YAP1: variants seen among roughly 807,000 people sequenced by gnomAD.
The protein encoded by YAP1 is Yes1 associated transcriptional regulator.
A neutral mutation model predicts 56.9 loss-of-function variants in YAP1; 5 were observed. The observed-to-expected ratio is 0.09, with a 90% CI of 0.05 to 0.18. YAP1 has a LOEUF of 0.18. Among genes scored for constraint, YAP1 ranks in the 10% least tolerant of loss-of-function variants. The pLI, the probability that YAP1 is intolerant of heterozygous loss-of-function variation, is 1.00. For missense variants in YAP1, 539 were observed against 651.8 expected, an observed-to-expected ratio of 0.83 and a Z score of 1.88; for synonymous variants, 265 against 248.1, an observed-to-expected ratio of 1.07 and a Z score of -0.64.
chr11:102,222,427 T>C (rs1226110703), intron 6 of YAP1, among the ~76,000 whole-genome samples: 1 of 152,130 alleles, frequency 6.6e-6, no homozygotes, highest in Admixed American at 6.5e-5. Context: ...AGAGTAGTAA[T>C]GAGTGTGCTA....
At chr11:102,168,570 A>G (rs1396583558) in intron 3 of YAP1, among the ~76,000 whole-genome samples, 1 of 152,202 alleles carries the variant, frequency 6.6e-6, no homozygotes, top group African/African-American at 2.4e-5. Flanking sequence ...TTTCTCTATT[A>G]TGAAAAACTG....
At chr11:102,215,875 G>T (rs937185216) in intron 6 of YAP1, among the ~76,000 whole-genome samples, 10 of 152,164 alleles carry the variant, frequency 6.6e-5, no homozygotes, top group African/African-American at 2.4e-4. Flanking sequence ...AGTAGACATG[G>T]GATAGGGAAA....
At chr11:102,229,564 C>A in intron 8 of YAP1, 138 bp from the exon 9 acceptor site, 1 of 699,566 alleles carries the variant, frequency 1.4e-6, no homozygotes, top group Non-Finnish European at 2.4e-6. Context: ...GTTGTTTGAC[C>A]TGATATAAAT....
intron 4 of YAP1, among the ~76,000 whole-genome samples, chr11:102,203,044 A>G (rs754970994): frequency 6.6e-5 from 10 of 152,352 alleles, no homozygotes; most frequent in Non-Finnish European, 1.3e-4. Flanking sequence ...TAAATGACAA[A>G]GAAAAAACCA....
At chr11:102,167,786 C>T (rs1200959044) in intron 3 of YAP1, among the ~76,000 whole-genome samples, 2 of 152,082 alleles carry the variant, frequency 1.3e-5, no homozygotes, top group Admixed American at 6.5e-5. Flanking sequence ...GCCTATAATC[C>T]GAGCACTTTG....
At chr11:102,213,134 G>C (rs1291997039) in intron 6 of YAP1, among the ~76,000 whole-genome samples, 1 of 152,178 alleles carries the variant, frequency 6.6e-6, no homozygotes, top group Non-Finnish European at 1.5e-5. Flanking sequence ...GAAGAACTTT[G>C]AGGAAAGATA....
At chr11:102,185,910 T>A in intron 3 of YAP1, 108 bp from the exon 4 acceptor site, 1 of 1,098,954 alleles carries the variant, frequency 9.1e-7, no homozygotes, top group Non-Finnish European at 1.3e-6. Flanking sequence ...TTTCAATGAA[T>A]TGTTTTATGT....
intron 3 of YAP1, among the ~76,000 whole-genome samples, chr11:102,176,138 G>C (rs1021425007): frequency 6.6e-6 from 1 of 152,176 alleles, no homozygotes; most frequent in Non-Finnish European, 1.5e-5. Context: ...GCAGACCAAA[G>C]TATCACAAAC....
At chr11:102,181,939 G>A (rs1045831305) in intron 3 of YAP1, among the ~76,000 whole-genome samples, 3 of 152,298 alleles carry the variant, frequency 2.0e-5, no homozygotes, top group South Asian at 4.1e-4. Context: ...TCCTGCCTCA[G>A]TCTCCTGAGT....
chr11:102,226,861 C>T (rs1295921853), intron 7 of YAP1: 2 of 152,182 alleles, frequency 1.3e-5, no homozygotes, highest in Non-Finnish European at 1.5e-5. Context: ...GATCAAGCCA[C>T]GAGTATTCTT....
intron 5 of YAP1, among the ~76,000 whole-genome samples, chr11:102,208,756 T>C (rs912372402): frequency 6.6e-6 from 1 of 152,152 alleles, no homozygotes; most frequent in Non-Finnish European, 1.5e-5. Flanking sequence ...ATAAAAACTG[T>C]CAAAATCAAG....
At chr11:102,125,102 T>A (rs1943949918) in intron 2 of YAP1, among the ~76,000 whole-genome samples, 1 of 151,372 alleles carries the variant, frequency 6.6e-6, no homozygotes, top group Non-Finnish European at 1.5e-5. Context: ...AGTGGCACGC[T>A]CAGGGCTCAC....
intron 2 of YAP1, among the ~76,000 whole-genome samples, chr11:102,161,284 G>T (rs1396597974): frequency 6.7e-6 from 1 of 148,504 alleles, no homozygotes; most frequent in East Asian, 2.0e-4. Context: ...GGATGGTCTC[G>T]ATCTCCTGAC....
intron 7 of YAP1, among the ~76,000 whole-genome samples, chr11:102,226,646 A>G (rs1950211161): frequency 1.3e-5 from 2 of 152,182 alleles, no homozygotes; most frequent in Admixed American, 1.3e-4. Flanking sequence ...GGTAATGGAT[A>G]TTTACCATAC....
chr11:102,220,513 T>G (rs11225168), intron 6 of YAP1, among the ~76,000 whole-genome samples: 11,501 of 152,214 alleles, frequency 0.076, 602 homozygotes, highest in East Asian at 0.22. Context: ...TGGGCTGAGA[T>G]AAAATTATAT....
At chr11:102,117,443 A>G (rs1474513670) in intron 2 of YAP1, among the ~76,000 whole-genome samples, 2 of 152,248 alleles carry the variant, frequency 1.3e-5, no homozygotes, top group Non-Finnish European at 1.5e-5. Flanking sequence ...GAACCTGACT[A>G]TAAATGGTCC....
intron 3 of YAP1, among the ~76,000 whole-genome samples, chr11:102,177,675 CAA>C (rs1022433513): frequency 4.7e-4 from 26 of 54,978 alleles, no homozygotes; most frequent in East Asian, 9.5e-4. Context: ...GACTCGGTCT[CAA>C]AAAAAAAAAA....
At chr11:102,206,736 A>C (rs1400958010) in intron 5 of YAP1, among the ~76,000 whole-genome samples, 1 of 152,140 alleles carries the variant, frequency 6.6e-6, no homozygotes, top group Non-Finnish European at 1.5e-5. Context: ...TCAACTTCTC[A>C]GGAGGCTGAG....
chr11:102,116,728 T>G (rs1943310355), intron 2 of YAP1, among the ~76,000 whole-genome samples: 1 of 152,162 alleles, frequency 6.6e-6, no homozygotes, highest in Non-Finnish European at 1.5e-5. Flanking sequence ...TCTGGGGAAC[T>G]TTTATGTGGG....
Sources: gnomAD v4.1 joint callset for allele counts (sites outside exome capture counted in the v4.1 genomes callset) on GRCh38, gnomAD v4.1.1 for gene constraint, MANE v1.5 for transcripts, NCBI Gene and HGNC (gene_info 2026-07-23, HGNC 2026-07-21) for gene names.